CPM: variants seen among roughly 807,000 people sequenced by gnomAD.
The protein encoded by CPM is renal carboxypeptidase.
CPM carries 35 observed loss-of-function variants against 46.4 expected under a neutral mutation model. The observed-to-expected ratio is 0.75, with a 90% confidence interval of 0.58 to 1.00. The LOEUF is 1.00. CPM is among the 50% of genes least tolerant of loss of function. The pLI is 0.00. For missense variants in CPM, 422 were observed against 530.4 expected (o/e 0.80, Z 2.01); for synonymous variants, 195 against 195.3 (o/e 1.00, Z 0.01).
chr12:68,940,302 C>T (rs911785688), intron 1 of CPM, among the ~76,000 whole-genome samples: 1 of 151,870 alleles, frequency 6.6e-6, no homozygotes, highest in African/African-American at 2.4e-5. Context: ...AATATTGACA[C>T]ATTATTATTA....
At chr12:68,916,904 A>AG (rs1432919908) in intron 2 of CPM, among the ~76,000 whole-genome samples, 3 of 151,702 alleles carry the variant, frequency 2.0e-5, no homozygotes, top group African/African-American at 4.8e-5. Flanking sequence ...AAAAAAAAAA[A>AG]AAAGAGAGAG....
Position 68,856,309 on chromosome 12 carries a change from C to G in CPM, c.*128G>C, listed in dbSNP as rs989236684. ...TTGTGGAATTTGGAAACATCCATTT[C>G]TCTTCTTCAGGAAGATCGTGGAGTT... is the stretch of plus-strand genomic sequence containing the variant. On this transcript the variant is annotated 3_prime_UTR_variant, in exon 9 of 9. Coordinates refer to ENST00000551568, the MANE Select transcript of CPM (RefSeq NM_198320.5). 26 of 1,051,762 alleles carry G rather than the reference C, an allele frequency of 2.5e-5. No individual in the cohort carries two copies. The highest frequency in any genetic ancestry group is 8.3e-6 in the Non-Finnish European group (6 of 719,280). 65.2% of individuals were successfully genotyped at this position (1,051,762 alleles called of 1,614,324 possible). A position where few individuals can be genotyped will look rare whatever the true frequency, so the allele number is the denominator to read the frequency against.
intron 2 of CPM, among the ~76,000 whole-genome samples, chr12:68,905,876 A>G (rs1462241407): frequency 1.3e-5 from 2 of 152,186 alleles, no homozygotes; most frequent in Non-Finnish European, 2.9e-5. Flanking sequence ...TGTTTAGAGT[A>G]AAGACAGCTG....
At chr12:68,846,724 T>G (rs1884321063), downstream of CPM, 1 of 152,238 alleles carries the variant, frequency 6.6e-6, no homozygotes, top group African/African-American at 2.4e-5. Context: ...AAATGGGTGC[T>G]TGCTTTTCAC....
At chr12:68,920,188 A>C (rs1887975885) in intron 2 of CPM, among the ~76,000 whole-genome samples, 1 of 152,226 alleles carries the variant, frequency 6.6e-6, no homozygotes, top group Non-Finnish European at 1.5e-5. Flanking sequence ...TGCTGGGGCC[A>C]CGCTTGTGCA....
intron 3 of CPM, among the ~76,000 whole-genome samples, chr12:68,874,913 C>T (rs1012704241): frequency 6.6e-6 from 1 of 152,180 alleles, no homozygotes; most frequent in Non-Finnish European, 1.5e-5. Flanking sequence ...AATCACGACA[C>T]GAGTTGGCAA....
intron 1 of CPM, among the ~76,000 whole-genome samples, chr12:68,940,654 T>G (rs1020902936): frequency 6.6e-6 from 1 of 151,208 alleles, no homozygotes; most frequent in Non-Finnish European, 1.5e-5. Flanking sequence ...GGGGCTTTGG[T>G]CTCCAAACGT....
intron 1 of CPM, chr12:68,963,047 G>GACAC (rs1262311626): frequency 1.3e-5 from 2 of 152,686 alleles, no homozygotes; most frequent in Admixed American, 6.5e-5. Context: ...TCTTGAGGCT[G>GACAC]TGTCATGGGT....
rs185972502 is a variant in CPM at position 68,842,794 on chromosome 12, C to A, written c.534-465G>T. 1.0e-4 allele frequency: 20 copies of A among 193,994 alleles called. No homozygotes were observed. In the East Asian group the frequency reaches 1.6e-3, roughly 16 times the overall value. The allele number at this position is 193,994 out of a possible 1,614,324, so 12.0% of individuals were successfully genotyped here. A position where few individuals can be genotyped will look rare whatever the true frequency, so the allele number is the denominator to read the frequency against. The stretch of plus-strand genomic sequence containing the variant: ...TGTATGAAAATAGCTCAAATAATAT[C>A]TTTTATTTTGATTTTAATATTTCTT... On this transcript the variant is annotated intron_variant, in intron 5 of 5. Transcript: ENST00000551897.
intron 2 of CPM, among the ~76,000 whole-genome samples, chr12:68,900,011 A>G (rs1478421956): frequency 6.6e-6 from 1 of 152,196 alleles, no homozygotes; most frequent in East Asian, 1.9e-4. Context: ...TGCTTATTTT[A>G]CTATTTTTGT....
intron 1 of CPM, among the ~76,000 whole-genome samples, chr12:68,954,241 G>C (rs2136336788): frequency 6.6e-6 from 1 of 152,252 alleles, no homozygotes; most frequent in Non-Finnish European, 1.5e-5. Context: ...TGCTAGTCTA[G>C]CATGGCTTTG....
chr12:68,915,848 A>G (rs911957183), intron 2 of CPM, among the ~76,000 whole-genome samples: 2 of 152,206 alleles, frequency 1.3e-5, no homozygotes, highest in African/African-American at 2.4e-5. Flanking sequence ...TGGGACATCA[A>G]TTTCTTCATC....
intron 8 of CPM, 46 bp from the exon 9 acceptor site, chr12:68,856,725 C>G (rs746205582): frequency 6.3e-7 from 1 of 1,594,000 alleles, no homozygotes; most frequent in Non-Finnish European, 8.6e-7. Context: ...TAAGATGGTT[C>G]GTGGTGCCCA....
chr12:68,895,415 A>ATAT (rs1309014587), intron 2 of CPM, among the ~76,000 whole-genome samples: 2 of 152,238 alleles, frequency 1.3e-5, no homozygotes, highest in Non-Finnish European at 2.9e-5. Context: ...GACAGGGAGC[A>ATAT]GAGTCACAAC....
At chr12:68,912,492 A>G (rs1462789134) in intron 2 of CPM, among the ~76,000 whole-genome samples, 2 of 152,156 alleles carry the variant, frequency 1.3e-5, no homozygotes, top group East Asian at 3.9e-4. Context: ...TTAGAAACCT[A>G]TATCTAAAAT....
intron 2 of CPM, among the ~76,000 whole-genome samples, chr12:68,925,178 T>A (rs1422986578): frequency 6.6e-6 from 1 of 152,224 alleles, no homozygotes. Context: ...TTTCTTAATA[T>A]GCATTTCCCA....
chr12:68,864,408 G>A (rs575096911), intron 7 of CPM, among the ~76,000 whole-genome samples: 196 of 152,290 alleles, frequency 1.3e-3, no homozygotes, highest in Middle Eastern at 3.4e-3. Context: ...TCACACCATT[G>A]CACTCCAGCC....
At chr12:68,895,317 A>G (rs1447021867) in intron 2 of CPM, among the ~76,000 whole-genome samples, 1 of 152,126 alleles carries the variant, frequency 6.6e-6, no homozygotes, top group Non-Finnish European at 1.5e-5. Flanking sequence ...GGGCTGATGC[A>G]TGATTTGCCA....
chr12:68,958,363 G>A (rs975396365), intron 1 of CPM, among the ~76,000 whole-genome samples: 1 of 152,038 alleles, frequency 6.6e-6, no homozygotes, highest in Non-Finnish European at 1.5e-5. Context: ...GTTGTTTCCT[G>A]ACTTAAAAAG....
Sources: gnomAD v4.1 joint callset for allele counts (sites outside exome capture counted in the v4.1 genomes callset) on GRCh38, gnomAD v4.1.1 for gene constraint, MANE v1.5 for transcripts, NCBI Gene and HGNC (gene_info 2026-07-23, HGNC 2026-07-21) for gene names.